Variants in HCN4 observed in about 807,000 individuals in gnomAD.
HCN4 encodes hyperpolarization activated cyclic nucleotide gated potassium channel 4, also known as potassium/sodium hyperpolarization-activated cyclic nucleotide-gated channel 4.
Under a neutral mutation model 76.9 loss-of-function variants are expected in HCN4, and 29 were observed. That is an observed-to-expected ratio of 0.38 (90% CI 0.28 to 0.51). The LOEUF is 0.51. Ranked by LOEUF, HCN4 falls within the 20% of genes least tolerant of loss-of-function variation. The pLI is 0.90. For missense variants in HCN4, 1,416 were observed against 1,715.2 expected (o/e 0.83, Z 3.08); for synonymous variants, 772 against 762.5 (o/e 1.01, Z -0.21).
intron 2 of HCN4, among the ~76,000 whole-genome samples, chr15:73,333,936 G>A (rs1301342687): frequency 6.6e-6 from 1 of 152,242 alleles, no homozygotes; most frequent in African/African-American, 2.4e-5. Context: ...TCTGAGGCCT[G>A]TAGCCACCAT....
intron 1 of HCN4, among the ~76,000 whole-genome samples, chr15:73,361,415 G>A (rs535968590): frequency 1.3e-5 from 2 of 152,170 alleles, no homozygotes; most frequent in Non-Finnish European, 2.9e-5. Flanking sequence ...GCCCCTGCCC[G>A]CCCATGGCCC....
At chr15:73,349,599 T>C (rs995767607) in intron 1 of HCN4, among the ~76,000 whole-genome samples, 1 of 152,098 alleles carries the variant, frequency 6.6e-6, no homozygotes, top group African/African-American at 2.4e-5. Context: ...TCTCCTGTGC[T>C]CTCTTCCATG....
At position 73,343,260 on chromosome 15, in the gene HCN4, C is replaced by G; in HGVS notation, c.1209+125G>C. On this transcript the variant is annotated intron_variant, in intron 2 of 7. Coordinates refer to ENST00000261917, the MANE Select transcript of HCN4 (RefSeq NM_005477.3). The surrounding 1 kb of genome is among the most constrained non-coding windows in gnomAD (Gnocchi z 5.7). Reference sequence around the variant, plus strand: ...TCAAGAACTTACTAGTATTTGTCCTCTTGGAGCAGGTGTGCCTGCCACAAT... The same window carrying G: ...TCAAGAACTTACTAGTATTTGTCCTGTTGGAGCAGGTGTGCCTGCCACAAT... 1 of 886,932 alleles carries G rather than the reference C, an allele frequency of 1.1e-6. No homozygotes were observed. The highest frequency in any genetic ancestry group is 1.8e-6 in the Non-Finnish European group (1 of 549,390). 54.9% of individuals were successfully genotyped at this position (886,932 alleles called of 1,614,324 possible).
chr15:73,336,003 T>C (rs1567780332), intron 2 of HCN4, among the ~76,000 whole-genome samples: 2 of 152,070 alleles, frequency 1.3e-5, no homozygotes, highest in South Asian at 4.2e-4. Context: ...CCAGAGCTCA[T>C]AGTCTGGCTG....
intron 2 of HCN4, among the ~76,000 whole-genome samples, chr15:73,340,031 G>A (rs1192471228): frequency 6.6e-6 from 1 of 152,172 alleles, no homozygotes; most frequent in African/African-American, 2.4e-5. Flanking sequence ...CCACGAGATG[G>A]GGCGGCACGT....
chr15:73,321,970 G>GA lies in HCN4; in HGVS notation c.*510dup, dbSNP rs1187841319. The GA allele has an allele frequency of 4.8e-5, 9 of 188,142 alleles. No individual in the cohort carries two copies. The highest frequency in any genetic ancestry group is 1.1e-4 in the Admixed American group (2 of 18,718). The allele number at this position is 188,142 out of a possible 1,614,324, so 11.7% of individuals were successfully genotyped here. A position where few individuals can be genotyped will look rare whatever the true frequency, so the allele number is the denominator to read the frequency against. On this transcript the variant is annotated 3_prime_UTR_variant, in exon 8 of 8. Transcript: ENST00000261917. ...TACAGATCTTGCTACGTTTACAGTA[G>GA]AAAAAATGCTAGGCCCTCAGGGCCC...
At chr15:73,359,796 A>G (rs1309449766) in intron 1 of HCN4, among the ~76,000 whole-genome samples, 1 of 152,160 alleles carries the variant, frequency 6.6e-6, no homozygotes, top group Non-Finnish European at 1.5e-5. Flanking sequence ...CCACTTCTTG[A>G]CTTTTCTGAA....
chr15:73,333,266 G>A (rs2042943274), intron 2 of HCN4, among the ~76,000 whole-genome samples: 2 of 152,300 alleles, frequency 1.3e-5, no homozygotes, highest in South Asian at 2.1e-4. Flanking sequence ...AAGTCTAGAG[G>A]AAAGTCTCTG....
chr15:73,353,004 AGATGGATGGATG>A (rs756120632), intron 1 of HCN4, among the ~76,000 whole-genome samples: 52 of 150,926 alleles, frequency 3.4e-4, no homozygotes, highest in East Asian at 3.3e-3. Context: ...ATGGATGGAC[AGATGGATGGATG>A]GATGGATGGA....
chr15:73,332,394 T>A, intron 2 of HCN4, 102 bp from the exon 3 acceptor site: 2 of 1,222,050 alleles, frequency 1.6e-6, no homozygotes, highest in Non-Finnish European at 2.4e-6. Context: ...CTGCTCTGCC[T>A]GGACTCTGCA....
intron 2 of HCN4, among the ~76,000 whole-genome samples, chr15:73,337,665 G>T (rs2042974984): frequency 6.6e-6 from 1 of 152,224 alleles, no homozygotes. Context: ...ATGTGGTAAG[G>T]TTTCAGGAAC....
chr15:73,367,448 C>T lies in HCN4; in HGVS notation c.785+38G>A. 1 of 1,611,628 alleles carries T rather than the reference C, an allele frequency of 6.2e-7. No individual in the cohort carries two copies. On this transcript the variant is annotated intron_variant, in intron 1 of 7. Coordinates refer to ENST00000261917, the MANE Select transcript of HCN4 (RefSeq NM_005477.3). This position sits in a 1 kb window ranked among gnomAD's most constrained non-coding sequence, Gnocchi z 7.5. ...TCAGGAGGAGGCATGCCTGCCACCG[C>T]GCAGGGCACCCACAGGATCATCGCT...
chr15:73,367,854 G>T lies in HCN4; in HGVS notation c.417C>A (p.Pro139=). Residue 139 remains proline, a synonymous_variant, in exon 1 of 8, where the codon CCC becomes CCA. Transcript: ENST00000261917. This position sits in a 1 kb window ranked among gnomAD's most constrained non-coding sequence, Gnocchi z 7.5. ...GGCCTGGGGGCGTCCTGTCCTCGCC[G>T]GGGGACGCGTCGCCCTCGGCGATGA... ...RRLIAEGDAS[P]GEDRTPPGLA... is the part of the protein sequence containing the mutation. The T allele has an allele frequency of 7.7e-7, 1 of 1,304,390 alleles. No homozygotes were observed. Among genetic ancestry groups the T allele is most frequent in the East Asian group, 3.3e-5 (1 of 30,638 alleles). 80.8% of individuals were successfully genotyped at this position (1,304,390 alleles called of 1,614,324 possible). A position where few individuals can be genotyped will look rare whatever the true frequency, so the allele number is the denominator to read the frequency against.
At chr15:73,355,939 T>A (rs934892473) in intron 1 of HCN4, among the ~76,000 whole-genome samples, 3 of 152,096 alleles carry the variant, frequency 2.0e-5, no homozygotes, top group African/African-American at 7.2e-5. Context: ...AACCTCTCAG[T>A]CAAGCTTACA....
Position 73,324,201 on chromosome 15 carries a change from G to C in HCN4, c.2031C>G (p.Thr677=). The change falls in exon 7 of 8, where the codon ACC becomes ACG. Residue 677 remains threonine, a synonymous_variant. Coordinates refer to ENST00000261917, the MANE Select transcript of HCN4 (RefSeq NM_005477.3). ...GRRTASVRAD[T]YCRLYSLSVD... ...CGCTCAGCGAGTAGAGGCGGCAGTA[G>C]GTGTCGGCCCTCACGCTGGCTGTGC... 6.2e-7 allele frequency: 1 copy of C among 1,614,104 alleles called. No individual in the cohort carries two copies.
At chr15:73,349,769 C>A (rs932820560) in intron 1 of HCN4, among the ~76,000 whole-genome samples, 13 of 152,198 alleles carry the variant, frequency 8.5e-5, no homozygotes, top group Non-Finnish European at 1.5e-4. Context: ...CTACCTCCTG[C>A]CTGTGGCAGA....
intron 1 of HCN4, among the ~76,000 whole-genome samples, chr15:73,353,941 T>C (rs548999996): frequency 4.7e-4 from 71 of 152,152 alleles, no homozygotes; most frequent in Non-Finnish European, 7.4e-4. Context: ...CCCACCACAA[T>C]AGATAAATTG....
At chr15:73,358,623 G>A (rs2043091654) in intron 1 of HCN4, among the ~76,000 whole-genome samples, 1 of 152,206 alleles carries the variant, frequency 6.6e-6, no homozygotes, top group South Asian at 2.1e-4. Context: ...TCAGATGGCA[G>A]CACAGGCAGC....
intron 1 of HCN4, among the ~76,000 whole-genome samples, chr15:73,365,807 T>C (rs2043125780): frequency 6.6e-6 from 1 of 152,072 alleles, no homozygotes; most frequent in Non-Finnish European, 1.5e-5. Flanking sequence ...AGCAGGGACC[T>C]GGGCAAGGGA....
Sources: gnomAD v4.1 joint callset for allele counts (sites outside exome capture counted in the v4.1 genomes callset) on GRCh38, gnomAD v4.1.1 for gene constraint, Gnocchi (gnomAD v3.1) non-coding constraint, MANE v1.5 for transcripts, NCBI Gene and HGNC (gene_info 2026-07-23, HGNC 2026-07-21) for gene names.